The following GPC5 variants were observed in gnomAD, a reference collection of about 807,000 sequenced individuals.
GPC5 encodes the protein glypican 5, also known as glypican-5.
GPC5 carries 47 observed loss-of-function variants against 53.9 expected under a neutral mutation model. The observed-to-expected ratio is 0.87, with a 90% CI of 0.69 to 1.11. The LOEUF (loss-of-function observed/expected upper bound fraction) is 1.11. GPC5 is among the 50% of genes most tolerant of loss of function. GPC5 has a pLI of 0.00. For missense variants in GPC5, 748 were observed against 713.1 expected, an observed-to-expected ratio of 1.05 and a Z score of -0.56; for synonymous variants, 286 against 263.3, an observed-to-expected ratio of 1.09 and a Z score of -0.84.
chr13:92,157,445 TGACATAGAGACTGG>T lies in GPC5; in HGVS notation c.1561+12459_1561+12472del, dbSNP rs568680927. Reference sequence around the variant, plus strand: ...ATTTATGAAAGTTAGGCTGCTTCCCTGACATAGAGACTGGGAGATAGGGGTTCTGTCTTGATGAC... The same window carrying T: ...ATTTATGAAAGTTAGGCTGCTTCCCTGAGATAGGGGTTCTGTCTTGATGAC... On this transcript the variant is annotated intron_variant, in intron 7 of 7. Transcript: ENST00000377067. Among the ~76,000 whole-genome samples the T allele has an allele frequency of 7.9e-5, 12 of 152,308 alleles. No homozygotes were observed. The South Asian group carries it at 2.5e-3, about 32-fold the overall frequency.
At chr13:91,980,856 C>T (rs1454136065) in intron 6 of GPC5, among the ~76,000 whole-genome samples, 1 of 152,168 alleles carries the variant, frequency 6.6e-6, no homozygotes, top group Non-Finnish European at 1.5e-5. Flanking sequence ...AGAGTGTGCA[C>T]ACTTCTGTGT....
intron 7 of GPC5, among the ~76,000 whole-genome samples, chr13:92,487,840 T>TAAA (rs66972682): frequency 1.0e-5 from 1 of 99,596 alleles, no homozygotes; most frequent in Non-Finnish European, 1.9e-5. Flanking sequence ...ATAAATATAG[T>TAAA]AAAAAAAAAA....
intron 2 of GPC5, among the ~76,000 whole-genome samples, chr13:91,516,935 T>C (rs1028628025): frequency 2.6e-5 from 4 of 152,132 alleles, no homozygotes; most frequent in African/African-American, 7.2e-5. Flanking sequence ...TTGTCCCCTT[T>C]CAGCCACAAC....
intron 5 of GPC5, among the ~76,000 whole-genome samples, chr13:91,798,349 T>C (rs527624702): frequency 6.6e-6 from 1 of 152,200 alleles, no homozygotes; most frequent in South Asian, 2.1e-4. Flanking sequence ...TTCCCCTGCC[T>C]CTCCCCGACA....
intron 7 of GPC5, among the ~76,000 whole-genome samples, chr13:92,850,061 C>G (rs1479314359): frequency 6.6e-6 from 1 of 152,144 alleles, no homozygotes; most frequent in Non-Finnish European, 1.5e-5. Context: ...ACAGATTGAT[C>G]AGACACACCT....
intron 7 of GPC5, among the ~76,000 whole-genome samples, chr13:92,276,294 TTGTGATCC>T (rs2042875231): frequency 1.3e-5 from 2 of 152,126 alleles, no homozygotes; most frequent in African/African-American, 4.8e-5. Context: ...CTGCAATAAT[TTGTGATCC>T]ACAGTGCACC....
chr13:92,515,850 AAAGT>A (rs1206791065), intron 7 of GPC5, among the ~76,000 whole-genome samples: 2 of 152,212 alleles, frequency 1.3e-5, no homozygotes, highest in Admixed American at 6.5e-5. Context: ...ACATGAAAAT[AAAGT>A]AAGAAAGAAA....
chr13:91,963,300 G>A lies in GPC5; in HGVS notation c.1401+55243G>A, dbSNP rs1043698853. ...TGGAAAGCAAGGTGACAAAGTTTAG[G>A]TAAGTATATCCACAGGTTTTGAATC... is the stretch of plus-strand genomic sequence containing the variant. On this transcript the variant is annotated intron_variant, in intron 6 of 7. Coordinates refer to ENST00000377067, the MANE Select transcript of GPC5 (RefSeq NM_004466.6). 2.0e-5 allele frequency among the ~76,000 whole-genome samples: 3 copies of A among 152,268 alleles called. No homozygotes were observed. The East Asian group carries it at 5.8e-4, about 29-fold the overall frequency.
At chr13:92,695,496 C>T (rs577919233) in intron 7 of GPC5, among the ~76,000 whole-genome samples, 1 of 151,986 alleles carries the variant, frequency 6.6e-6, no homozygotes, top group Non-Finnish European at 1.5e-5. Flanking sequence ...TATTTCCTTC[C>T]AAGTATTTAT....
intron 7 of GPC5, among the ~76,000 whole-genome samples, chr13:92,314,924 G>A (rs1446250996): frequency 2.0e-5 from 3 of 152,038 alleles, no homozygotes; most frequent in Non-Finnish European, 4.4e-5. Context: ...ACAGGCATGT[G>A]CCCCATGCCC....
intron 7 of GPC5, among the ~76,000 whole-genome samples, chr13:92,332,622 G>A (rs573284809): frequency 3.9e-5 from 6 of 152,258 alleles, no homozygotes; most frequent in African/African-American, 1.4e-4. Flanking sequence ...TATTAATGCT[G>A]TTAATATAGA....
At chr13:91,459,660 C>G (rs535710407) in intron 2 of GPC5, among the ~76,000 whole-genome samples, 7 of 152,016 alleles carry the variant, frequency 4.6e-5, no homozygotes, top group Admixed American at 2.0e-4. Flanking sequence ...CCAGAGTTCT[C>G]AAAGAAAGGA....
At chr13:91,787,268 G>A (rs1278261077) in intron 5 of GPC5, among the ~76,000 whole-genome samples, 1 of 152,052 alleles carries the variant, frequency 6.6e-6, no homozygotes, top group East Asian at 1.9e-4. Context: ...ATTTTTGTCT[G>A]AGTTTTGATT....
chr13:92,588,936 A>G (rs530915058), intron 7 of GPC5, among the ~76,000 whole-genome samples: 2 of 152,342 alleles, frequency 1.3e-5, no homozygotes, highest in South Asian at 2.1e-4. Flanking sequence ...ACCAAGGTGT[A>G]TAGAAATCTC....
intron 1 of GPC5, among the ~76,000 whole-genome samples, chr13:91,403,836 G>A (rs983467646): frequency 6.6e-6 from 1 of 152,130 alleles, no homozygotes; most frequent in Non-Finnish European, 1.5e-5. Flanking sequence ...GGCTCATCAG[G>A]TGCTGAACTA....
intron 2 of GPC5, among the ~76,000 whole-genome samples, chr13:91,638,163 T>C (rs2034328531): frequency 6.6e-6 from 1 of 152,200 alleles, no homozygotes; most frequent in South Asian, 2.1e-4. Flanking sequence ...GCTGCTCACC[T>C]AGAAACCAGG....
rs2041691619 is a variant in GPC5, at chr13:92,125,923, GGTTTTTTTTTTTTTTTTTT to G, written c.1402-18906_1402-18888del. 6.0e-4 allele frequency among the ~76,000 whole-genome samples: 25 copies of G among 41,546 alleles called. 1 individual carries two copies. Among genetic ancestry groups the G allele is most frequent in the African/African-American group, 1.0e-3 (14 of 13,622 alleles). The allele number at this position is 41,546 out of a possible 152,430, so 27.3% of individuals were successfully genotyped here. On this transcript the variant is annotated intron_variant, in intron 6 of 7. Coordinates refer to ENST00000377067, the MANE Select transcript of GPC5 (RefSeq NM_004466.6). ...ATTAGAAAGGAAACATTTGTTTTTT[GGTTTTTTTTTTTTTTTTTT>G]TTTTTTTTTTTTTTTTTTTTTTTTT...
intron 6 of GPC5, among the ~76,000 whole-genome samples, chr13:92,110,729 C>T (rs2041550274): frequency 6.6e-6 from 1 of 152,148 alleles, no homozygotes; most frequent in Admixed American, 6.5e-5. Flanking sequence ...GTAGACTTGA[C>T]CTCAATATTC....
At chr13:91,991,477 C>T (rs1047357496) in intron 6 of GPC5, among the ~76,000 whole-genome samples, 2 of 152,136 alleles carry the variant, frequency 1.3e-5, no homozygotes, top group Non-Finnish European at 2.9e-5. Context: ...CATATGGGCT[C>T]ATTTGAATGA....
Sources: gnomAD v4.1 joint callset for allele counts (sites outside exome capture counted in the v4.1 genomes callset) on GRCh38, gnomAD v4.1.1 for gene constraint, MANE v1.5 for transcripts, NCBI Gene and HGNC (gene_info 2026-07-23, HGNC 2026-07-21) for gene names.